ARHGAP6: variants seen among roughly 807,000 people sequenced by gnomAD.
ARHGAP6 encodes the protein rho GTPase-activating protein 6.
In ARHGAP6, 16 loss-of-function variants were observed where a neutral mutation model predicts 55.7. That is an observed-to-expected ratio of 0.29 (90% CI 0.19 to 0.44). The LOEUF (loss-of-function observed/expected upper bound fraction) is 0.44. Among genes scored for constraint, ARHGAP6 ranks in the 20% least tolerant of loss-of-function variants. The pLI, the probability that ARHGAP6 is intolerant of heterozygous loss-of-function variation, is 1.00. For missense variants in ARHGAP6, 698 were observed against 808.9 expected (o/e 0.86, Z 1.66); for synonymous variants, 382 against 360.9 (o/e 1.06, Z -0.66).
chrX:11,498,574 A>G (rs1029427565), intron 1 of ARHGAP6, among the ~76,000 whole-genome samples: 1 of 111,361 alleles, frequency 9.0e-6, no homozygotes, highest in African/African-American at 3.3e-5. Context: ...GTGTCAGAGT[A>G]GGAAAACCTG....
At chrX:11,411,224 A>ATATATAT (rs2049683149) in intron 1 of ARHGAP6, among the ~76,000 whole-genome samples, 1 of 44,910 alleles carries the variant, frequency 2.2e-5, no homozygotes, top group Non-Finnish European at 4.1e-5. Flanking sequence ...TATATATATA[A>ATATATAT]AATATACAAA....
At chrX:11,613,710 G>A (rs143829113) in intron 1 of ARHGAP6, among the ~76,000 whole-genome samples, 29 of 112,175 alleles carry the variant, frequency 2.6e-4, no homozygotes, top group African/African-American at 9.1e-4. Flanking sequence ...TTCTGGCAAT[G>A]TAGTTTGTGA....
chrX:11,139,401 C>T lies in ARHGAP6; in HGVS notation c.2387G>A (p.Gly796Glu), dbSNP rs751151054. The T allele has an allele frequency of 4.2e-6, 5 of 1,187,040 alleles. No individual in the cohort carries two copies. Among genetic ancestry groups the T allele is most frequent in the East Asian group, 3.0e-5 (1 of 32,952 alleles). The change falls in exon 13 of 13, where the codon GGG becomes GAG. Residue 796 changes from glycine (G) to glutamate (E), a missense_variant. By Grantham distance (98) the Gly-to-Glu change is moderately conservative. Transcript: ENST00000337414. ...SPAELDSDTQ[G>E]ARRTQAAAPA... Reference sequence around the variant, plus strand: ...GGCTGCGGCCTGAGTCCTCCGAGCCCCCTGCGTGTCGCTGTCCAGCTCTGC... The same window carrying T: ...GGCTGCGGCCTGAGTCCTCCGAGCCTCCTGCGTGTCGCTGTCCAGCTCTGC...
chrX:11,521,789 A>T (rs1249721769), intron 1 of ARHGAP6, among the ~76,000 whole-genome samples: 1 of 111,156 alleles, frequency 9.0e-6, no homozygotes, highest in Non-Finnish European at 1.9e-5. Flanking sequence ...CCTACCCATG[A>T]GCATGGAATG....
intron 1 of ARHGAP6, among the ~76,000 whole-genome samples, chrX:11,309,681 C>T (rs1907183996): frequency 8.9e-6 from 1 of 111,875 alleles, no homozygotes; most frequent in Admixed American, 9.4e-5. Flanking sequence ...AAAATGCTCA[C>T]TCACATATCT....
intron 1 of ARHGAP6, among the ~76,000 whole-genome samples, chrX:11,344,700 A>AG (rs1205622744): frequency 0.019 from 1,969 of 103,481 alleles, 35 homozygotes; most frequent in Middle Eastern, 0.051. Context: ...AAAAAAAAAA[A>AG]AAAAGAAAAG....
chrX:11,620,078 G>T (rs958408556), intron 1 of ARHGAP6, among the ~76,000 whole-genome samples: 25 of 112,110 alleles, frequency 2.2e-4, no homozygotes, highest in African/African-American at 7.8e-4. Context: ...AAGTCATAGA[G>T]ATATCTGTAG....
intron 2 of ARHGAP6, among the ~76,000 whole-genome samples, chrX:11,211,814 T>G (rs1326378658): frequency 8.9e-6 from 1 of 112,403 alleles, no homozygotes; most frequent in East Asian, 2.8e-4. Flanking sequence ...GTGCTGGGAT[T>G]ACAGGTGTGC....
intron 1 of ARHGAP6, among the ~76,000 whole-genome samples, chrX:11,445,416 G>T (rs2050083558): frequency 8.9e-6 from 1 of 111,840 alleles, no homozygotes; most frequent in African/African-American, 3.3e-5. Context: ...TCAAGGTGGT[G>T]CTACTTAATA....
At chrX:11,364,468 T>C (rs899842208) in intron 1 of ARHGAP6, among the ~76,000 whole-genome samples, 2 of 111,174 alleles carry the variant, frequency 1.8e-5, no homozygotes, top group East Asian at 5.6e-4. Flanking sequence ...CCAACAGTGA[T>C]TTCCCCTTCC....
intron 10 of ARHGAP6, among the ~76,000 whole-genome samples, chrX:11,152,746 AAATCACCC>A (rs1436752326): frequency 8.9e-6 from 1 of 112,279 alleles, no homozygotes; most frequent in Admixed American, 9.4e-5. Context: ...TTAATGTCAA[AAATCACCC>A]AGCTCAAACT....
At chrX:11,154,144 T>C (rs1433968574) in intron 10 of ARHGAP6, among the ~76,000 whole-genome samples, 2 of 104,255 alleles carry the variant, frequency 1.9e-5, no homozygotes, top group Non-Finnish European at 4.1e-5. Flanking sequence ...GGACATGAAC[T>C]CTTCATTTTT....
intron 1 of ARHGAP6, among the ~76,000 whole-genome samples, chrX:11,599,822 C>T (rs913832443): frequency 5.4e-5 from 6 of 111,925 alleles, no homozygotes; most frequent in Non-Finnish European, 9.4e-5. Context: ...CGGATATGAT[C>T]ATAAACTTGA....
chrX:11,384,162 A>T (rs1409247182), intron 1 of ARHGAP6, among the ~76,000 whole-genome samples: 1 of 112,074 alleles, frequency 8.9e-6, no homozygotes, highest in Admixed American at 9.4e-5. Flanking sequence ...ACCTACTATG[A>T]ATGCTCTTGT....
chrX:11,427,130 GC>G (rs2049889118), intron 1 of ARHGAP6, among the ~76,000 whole-genome samples: 1 of 111,295 alleles, frequency 9.0e-6, no homozygotes, highest in Non-Finnish European at 1.9e-5. Flanking sequence ...AAATCCACTC[GC>G]CGCACACTGA....
At chrX:11,230,610 A>AGTGTGTGT (rs3030687) in intron 2 of ARHGAP6, among the ~76,000 whole-genome samples, 85 of 98,166 alleles carry the variant, frequency 8.7e-4, no homozygotes, top group Admixed American at 2.0e-3. Flanking sequence ...AGTTATTAGG[A>AGTGTGTGT]GTGTGTGTGT....
At chrX:11,303,763 G>A (rs201017371) in intron 1 of ARHGAP6, among the ~76,000 whole-genome samples, 1 of 111,259 alleles carries the variant, frequency 9.0e-6, no homozygotes, top group East Asian at 2.8e-4. Context: ...GATGGTAGGG[G>A]GTGCAGCCTC....
Position 11,364,895 on chromosome X carries a change from C to T in ARHGAP6, c.589-110188G>A, listed in dbSNP as rs1308440185. ...TCAGGTCCGGCACTGCTGCTAGGAG[C>T]CCTGGACAACTTCAGCCAACAGGAA... On this transcript the variant is annotated intron_variant, in intron 1 of 12. Coordinates refer to ENST00000337414, the MANE Select transcript of ARHGAP6 (RefSeq NM_013427.3). Among the ~76,000 whole-genome samples the T allele has an allele frequency of 3.3e-4, 36 of 110,247 alleles. 1 individual carries two copies. The highest frequency in any genetic ancestry group is 1.9e-5 in the Non-Finnish European group (1 of 52,802).
intron 4 of ARHGAP6, among the ~76,000 whole-genome samples, chrX:11,187,001 A>G (rs957883066): frequency 1.8e-5 from 2 of 110,982 alleles, no homozygotes; most frequent in Admixed American, 9.6e-5. Context: ...CAAGCCTATT[A>G]TCATTGTGGG....
Sources: allele counts gnomAD v4.1 joint callset (sites outside exome capture counted in the v4.1 genomes callset), GRCh38; gene constraint gnomAD v4.1.1; transcripts MANE v1.5; gene names NCBI Gene and HGNC (gene_info 2026-07-23, HGNC 2026-07-21).